The following AUTS2 variants were observed in gnomAD, a reference collection of about 807,000 sequenced individuals.
The protein encoded by AUTS2 is autism susceptibility gene 2 protein.
AUTS2 carries 17 observed loss-of-function variants against 112.4 expected under a neutral mutation model. The ratio of observed to expected loss-of-function variants is 0.15; its 90% CI spans 0.10 to 0.23. The LOEUF is 0.23. Among genes scored for constraint, AUTS2 ranks in the 10% least tolerant of loss-of-function variants. The pLI is 1.00. For synonymous variants in AUTS2, 751 were observed against 702.7 expected, an observed-to-expected ratio of 1.07 and a Z score of -1.09; for missense variants, 1,510 against 1,701.6, an observed-to-expected ratio of 0.89 and a Z score of 1.98.
At chr7:69,739,396 C>T (rs1787169800) in intron 1 of AUTS2, among the ~76,000 whole-genome samples, 1 of 152,158 alleles carries the variant, frequency 6.6e-6, no homozygotes, top group South Asian at 2.1e-4. Context: ...TCATTCCGCA[C>T]CTGCATATTG....
At chr7:70,666,115 T>C (rs765565906) in intron 5 of AUTS2, among the ~76,000 whole-genome samples, 117 of 152,306 alleles carry the variant, frequency 7.7e-4, no homozygotes, top group Non-Finnish European at 1.4e-3. Flanking sequence ...TGGAATCAGA[T>C]GGCCTGGATT....
chr7:69,932,054 G>A (rs1193763682), intron 2 of AUTS2, among the ~76,000 whole-genome samples: 2 of 152,202 alleles, frequency 1.3e-5, no homozygotes, highest in African/African-American at 2.4e-5. Flanking sequence ...GGTCTGGACA[G>A]TAGTGTGTTT....
intron 4 of AUTS2, among the ~76,000 whole-genome samples, chr7:70,263,701 A>G (rs901873029): frequency 2.0e-5 from 3 of 152,336 alleles, no homozygotes; most frequent in East Asian, 3.9e-4. Context: ...CTGGCAAGGG[A>G]GCAACAATAA....
intron 2 of AUTS2, among the ~76,000 whole-genome samples, chr7:70,111,448 G>T (rs944482134): frequency 2.6e-5 from 4 of 152,076 alleles, no homozygotes; most frequent in Non-Finnish European, 5.9e-5. Context: ...CTCATTGTAA[G>T]GGTACAAGCT....
At chr7:70,069,331 T>G (rs1347916074) in intron 2 of AUTS2, among the ~76,000 whole-genome samples, 2 of 151,332 alleles carry the variant, frequency 1.3e-5, no homozygotes, top group African/African-American at 4.9e-5. Context: ...CAAGCAAGAT[T>G]GTAGATACTC....
At chr7:69,673,827 G>A (rs1191854424) in intron 1 of AUTS2, among the ~76,000 whole-genome samples, 1 of 152,150 alleles carries the variant, frequency 6.6e-6, no homozygotes, top group Non-Finnish European at 1.5e-5. Context: ...AAAGGAGATT[G>A]ATGTGGACTA....
In AUTS2 at chr7:70,789,739, C is replaced by T. The variant is rs1791753950; in HGVS notation, c.2532-9C>T. On this transcript the variant is annotated splice_polypyrimidine_tract_variant and intron_variant, in intron 18 of 18. Coordinates refer to ENST00000342771, the MANE Select transcript of AUTS2 (RefSeq NM_015570.4). The stretch of plus-strand genomic sequence containing the variant: ...CATCTGCGTCCTTGTCTTCCCCTCT[C>T]TCCCCCAGGGAAAGCGTCGAGAAGA... 1.3e-5 allele frequency: 21 copies of T among 1,606,092 alleles called. No homozygotes were observed. Among genetic ancestry groups the T allele is most frequent in the Non-Finnish European group, 1.8e-5 (21 of 1,175,166 alleles).
intron 4 of AUTS2, among the ~76,000 whole-genome samples, chr7:70,396,062 A>G (rs1350076513): frequency 6.6e-6 from 1 of 152,234 alleles, no homozygotes; most frequent in Non-Finnish European, 1.5e-5. Context: ...GGTGTAATTG[A>G]CATATGATAA....
intron 4 of AUTS2, among the ~76,000 whole-genome samples, chr7:70,287,320 G>A (rs1028519332): frequency 5.9e-5 from 9 of 152,204 alleles, no homozygotes; most frequent in East Asian, 1.9e-4. Context: ...ATGACTTGTG[G>A]TCCTTGGCCC....
intron 4 of AUTS2, among the ~76,000 whole-genome samples, chr7:70,235,846 G>C (rs1051284951): frequency 6.6e-6 from 1 of 151,778 alleles, no homozygotes; most frequent in Non-Finnish European, 1.5e-5. Flanking sequence ...AGAGACGGGG[G>C]ACGTGATTTC....
chr7:69,682,700 G>C (rs1282725619), intron 1 of AUTS2, among the ~76,000 whole-genome samples: 1 of 152,218 alleles, frequency 6.6e-6, no homozygotes, highest in Non-Finnish European at 1.5e-5. Flanking sequence ...TTACTCAGCT[G>C]TTGGCAGTTC....
intron 4 of AUTS2, among the ~76,000 whole-genome samples, chr7:70,268,216 G>T (rs1182727013): frequency 2.6e-5 from 4 of 152,072 alleles, no homozygotes; most frequent in Non-Finnish European, 4.4e-5. Flanking sequence ...TCCTCATATA[G>T]CACCTCTAAC....
At chr7:70,756,331 C>T (rs536209161) in intron 6 of AUTS2, among the ~76,000 whole-genome samples, 37 of 152,214 alleles carry the variant, frequency 2.4e-4, no homozygotes, top group African/African-American at 8.7e-4. Flanking sequence ...TCCACAACCA[C>T]CCTAGGAGGT....
At chr7:69,754,151 A>C (rs10269267) in intron 1 of AUTS2, among the ~76,000 whole-genome samples, 14,877 of 152,152 alleles carry the variant, frequency 0.098, 1,155 homozygotes, top group African/African-American at 0.21. Flanking sequence ...AGGTTAAAGA[A>C]GGTCGGGTTA....
At chr7:70,767,717 G>T (rs1312382652) in intron 9 of AUTS2, among the ~76,000 whole-genome samples, 1 of 152,176 alleles carries the variant, frequency 6.6e-6, no homozygotes, top group African/African-American at 2.4e-5. Context: ...GATTTATCTG[G>T]ATAATTGGCT....
intron 1 of AUTS2, among the ~76,000 whole-genome samples, chr7:69,604,030 C>T (rs1206008966): frequency 1.3e-5 from 2 of 152,136 alleles, no homozygotes; most frequent in African/African-American, 4.8e-5. Flanking sequence ...TTTTGTACAG[C>T]TGACCAAGGG....
At chr7:69,864,852 A>C (rs187766591) in intron 1 of AUTS2, among the ~76,000 whole-genome samples, 1 of 152,322 alleles carries the variant, frequency 6.6e-6, no homozygotes, top group Admixed American at 6.5e-5. Context: ...TATTCCTGGA[A>C]AGAGACAAGG....
intron 5 of AUTS2, among the ~76,000 whole-genome samples, chr7:70,470,251 G>T (rs1249061349): frequency 6.6e-6 from 1 of 152,192 alleles, no homozygotes; most frequent in Non-Finnish European, 1.5e-5. Context: ...GATGAACTCA[G>T]CACCTTATTC....
At chr7:70,406,071 C>A (rs1794521943) in intron 4 of AUTS2, among the ~76,000 whole-genome samples, 1 of 152,138 alleles carries the variant, frequency 6.6e-6, no homozygotes, top group African/African-American at 2.4e-5. Context: ...TTCACGGTCT[C>A]CCCTTCCTGC....
Sources: gnomAD v4.1 joint callset for allele counts (sites outside exome capture counted in the v4.1 genomes callset) on GRCh38, gnomAD v4.1.1 for gene constraint, MANE v1.5 for transcripts, NCBI Gene and HGNC (gene_info 2026-07-23, HGNC 2026-07-21) for gene names.